Variants in STARD3NL observed in about 807,000 individuals in gnomAD.
The protein encoded by STARD3NL is STARD3 N-terminal like, also known as STARD3 N-terminal-like protein.
STARD3NL carries 17 observed loss-of-function variants against 30.9 expected under a neutral mutation model. That is an observed-to-expected ratio of 0.55 (90% CI 0.38 to 0.82). The LOEUF (loss-of-function observed/expected upper bound fraction) is 0.82. STARD3NL is among the 40% of genes least tolerant of loss of function. The pLI is 0.00. For missense variants in STARD3NL, 234 were observed against 277.6 expected (o/e 0.84, Z 1.12); for synonymous variants, 112 against 100.5 (o/e 1.11, Z -0.69).
intron 7 of STARD3NL, among the ~76,000 whole-genome samples, chr7:38,227,670 CT>C (rs370075055): frequency 2.6e-5 from 4 of 151,284 alleles, no homozygotes; most frequent in African/African-American, 9.7e-5. Context: ...GCCTCCTCTG[CT>C]TTTTTTTTAA....
chr7:38,179,012 C>T (rs549168699), intron 1 of STARD3NL: 1 of 152,336 alleles, frequency 6.6e-6, no homozygotes, highest in South Asian at 2.1e-4. Context: ...ATTTTTCCCC[C>T]TCTCTTTTAG....
At chr7:38,228,586 T>C (rs1357942264) in intron 7 of STARD3NL, among the ~76,000 whole-genome samples, 1 of 152,204 alleles carries the variant, frequency 6.6e-6, no homozygotes. Context: ...TTTGACAGAT[T>C]AGTGTAAGTG....
intron 7 of STARD3NL, among the ~76,000 whole-genome samples, chr7:38,225,370 T>A (rs1004347512): frequency 1.3e-5 from 2 of 152,212 alleles, no homozygotes; most frequent in African/African-American, 4.8e-5. Flanking sequence ...ATTTGTTCTC[T>A]TATGGATAAT....
intron 4 of STARD3NL, chr7:38,216,087 CATTTTTCTGCA>C (rs1250813860): frequency 6.6e-6 from 1 of 152,180 alleles, no homozygotes; most frequent in Non-Finnish European, 1.5e-5. Context: ...TGTACCCTCC[CATTTTTCTGCA>C]TTTTCTACAA....
At chr7:38,196,098 C>A (rs1027884527) in intron 1 of STARD3NL, among the ~76,000 whole-genome samples, 1 of 152,128 alleles carries the variant, frequency 6.6e-6, no homozygotes, top group African/African-American at 2.4e-5. Context: ...ACCTGACCAG[C>A]CTGTTGTTTC....
At chr7:38,210,762 T>G (rs1455485269) in intron 2 of STARD3NL, among the ~76,000 whole-genome samples, 1 of 152,212 alleles carries the variant, frequency 6.6e-6, no homozygotes, top group Non-Finnish European at 1.5e-5. Context: ...TGGTTTTCTT[T>G]TTAGCTTTTG....
At chr7:38,185,978 A>C (rs1208785263) in intron 1 of STARD3NL, among the ~76,000 whole-genome samples, 60 of 152,192 alleles carry the variant, frequency 3.9e-4, no homozygotes, top group Non-Finnish European at 1.5e-5. Context: ...CATTTGTTTG[A>C]AAATTGCTTG....
intron 7 of STARD3NL, among the ~76,000 whole-genome samples, chr7:38,221,001 T>G (rs1254234634): frequency 2.0e-5 from 3 of 152,062 alleles, no homozygotes; most frequent in African/African-American, 4.8e-5. Flanking sequence ...TACTATAACA[T>G]GTATGAACTG....
At chr7:38,190,279 G>A (rs1385711196) in intron 1 of STARD3NL, among the ~76,000 whole-genome samples, 2 of 152,118 alleles carry the variant, frequency 1.3e-5, no homozygotes, top group Non-Finnish European at 2.9e-5. Context: ...TAAAACTCAT[G>A]AACATTTATT....
chr7:38,198,118 C>T (rs1785008950), intron 1 of STARD3NL: 1 of 152,416 alleles, frequency 6.6e-6, no homozygotes, highest in East Asian at 1.9e-4. Flanking sequence ...GTGTCTCCTA[C>T]TTTCTTCTGT....
chr7:38,228,885 A>G lies in STARD3NL; in HGVS notation c.*17+14A>G, dbSNP rs1786940679. 1.9e-6 allele frequency: 3 copies of G among 1,578,774 alleles called. No homozygotes were observed. The highest frequency in any genetic ancestry group is 1.7e-6 in the Non-Finnish European group (2 of 1,150,524). ...ACTTTTGTTAAAGTAAGTGTTTGAA[A>G]TGAAACCATAACAACAAAGTAGTTA... On this transcript the variant is annotated intron_variant, in intron 8 of 8. Coordinates refer to ENST00000009041, the MANE Select transcript of STARD3NL (RefSeq NM_032016.4).
intron 1 of STARD3NL, among the ~76,000 whole-genome samples, chr7:38,186,423 C>T (rs879412458): frequency 4.6e-5 from 7 of 152,022 alleles, no homozygotes; most frequent in South Asian, 4.1e-4. Context: ...GTGGAAGTGA[C>T]CTTATTAGTC....
chr7:38,214,883 C>A, intron 3 of STARD3NL, 145 bp from the exon 4 acceptor site: 1 of 660,318 alleles, frequency 1.5e-6, no homozygotes, highest in Non-Finnish European at 2.6e-6. Flanking sequence ...GCAGGGATTC[C>A]CAAATGCTGG....
At chr7:38,214,045 T>C (rs1404224396) in intron 2 of STARD3NL, among the ~76,000 whole-genome samples, 1 of 152,186 alleles carries the variant, frequency 6.6e-6, no homozygotes. Context: ...AATATACTTT[T>C]GTATGATGGA....
intron 1 of STARD3NL, among the ~76,000 whole-genome samples, chr7:38,195,362 A>G (rs1243141929): frequency 6.6e-6 from 1 of 152,196 alleles, no homozygotes; most frequent in East Asian, 1.9e-4. Context: ...GGCCACACTT[A>G]TCAGTTTTTA....
At chr7:38,191,833 C>G (rs955425278) in intron 1 of STARD3NL, among the ~76,000 whole-genome samples, 1 of 151,496 alleles carries the variant, frequency 6.6e-6, no homozygotes, top group Non-Finnish European at 1.5e-5. Context: ...TATTTTTGTT[C>G]TTTTCCCAGA....
chr7:38,182,924 A>C (rs1467803498), intron 1 of STARD3NL, among the ~76,000 whole-genome samples: 1 of 152,166 alleles, frequency 6.6e-6, no homozygotes, highest in Non-Finnish European at 1.5e-5. Flanking sequence ...TGTTGCAGTA[A>C]TCATAGGTTT....
chr7:38,201,903 G>A (rs1041113758), intron 1 of STARD3NL: 1 of 152,220 alleles, frequency 6.6e-6, no homozygotes, highest in African/African-American at 2.4e-5. Flanking sequence ...TGGCCAGTCT[G>A]GTCTTGAACT....
Position 38,214,454 on chromosome 7 carries a change from C to A in STARD3NL, c.303+20C>A. On this transcript the variant is annotated intron_variant, in intron 3 of 8. Coordinates refer to ENST00000009041, the MANE Select transcript of STARD3NL (RefSeq NM_032016.4). ...ATATTTGTAAGTATTTTTTATGTTT[C>A]ATTTCAGATGTGATAAAACTGACCC... The A allele has an allele frequency of 6.7e-7, 1 of 1,502,700 alleles. No individual in the cohort carries two copies. The highest frequency in any genetic ancestry group is 1.2e-5 in the South Asian group (1 of 86,816). 93.1% of individuals were successfully genotyped at this position (1,502,700 alleles called of 1,614,324 possible). A position where few individuals can be genotyped will look rare whatever the true frequency, so the allele number is the denominator to read the frequency against.
Sources: gnomAD v4.1 joint callset for allele counts (sites outside exome capture counted in the v4.1 genomes callset) on GRCh38, gnomAD v4.1.1 for gene constraint, MANE v1.5 for transcripts, NCBI Gene and HGNC (gene_info 2026-07-23, HGNC 2026-07-21) for gene names.